The following ITIH5 variants were observed in gnomAD, a reference collection of about 807,000 sequenced individuals.
The protein encoded by ITIH5 is inter-alpha-trypsin inhibitor heavy chain H5.
ITIH5 carries 65 observed loss-of-function variants against 77.5 expected under a neutral mutation model. The observed-to-expected ratio is 0.84, with a 90% CI of 0.69 to 1.03. The LOEUF (loss-of-function observed/expected upper bound fraction) is 1.03, where lower values mean the gene tolerates loss of function less well. Ranked by LOEUF, ITIH5 falls within the 50% of genes least tolerant of loss-of-function variation. The pLI is 0.00. For synonymous variants in ITIH5, 525 were observed against 494.3 expected (o/e 1.06, Z -0.82); for missense variants, 1,208 against 1,213.1 (o/e 1.00, Z 0.06).
chr10:7,637,239 C>A lies in ITIH5; in HGVS notation c.641G>T (p.Gly214Val). ...PLHNSRQRGS[G>V]RGEDDSGPPP... ...CACGCAGGACTCACCTTCCCCGCGCCCACTGCCCCTCTGCCTGCTGTTGTG... is the reference window on the plus strand; with the variant it reads ...CACGCAGGACTCACCTTCCCCGCGCACACTGCCCCTCTGCCTGCTGTTGTG... The change falls in exon 5 of 14, where the codon GGG (glycine) becomes GTG (valine). Residue 214 changes from glycine (G) to valine (V), a missense_variant. Physicochemically the swap from Gly to Val is moderately radical, Grantham distance 109 (BLOSUM62 -3). Coordinates refer to ENST00000397146, the MANE Select transcript of ITIH5 (RefSeq NM_030569.7). The A allele has an allele frequency of 6.2e-7, 1 of 1,608,468 alleles. No individual in the cohort carries two copies.
intron 7 of ITIH5, among the ~76,000 whole-genome samples, chr10:7,590,464 ACAC>A (rs1832770849): frequency 6.6e-6 from 1 of 152,246 alleles, no homozygotes; most frequent in Non-Finnish European, 1.5e-5. Context: ...GGTGTGCCAC[ACAC>A]CACTTCAGAA....
chr10:7,623,719 C>T (rs1307036267), intron 5 of ITIH5, among the ~76,000 whole-genome samples: 5 of 145,536 alleles, frequency 3.4e-5, no homozygotes, highest in African/African-American at 7.7e-5. Context: ...AGGAGAATGG[C>T]GTGAACCCAG....
intron 4 of ITIH5, among the ~76,000 whole-genome samples, chr10:7,637,874 A>G (rs1833827582): frequency 6.6e-6 from 1 of 152,204 alleles, no homozygotes; most frequent in Admixed American, 6.5e-5. Context: ...CATAACTTTA[A>G]AATAGCTAAC....
At chr10:7,597,044 C>CAAAAAAAAAAAAAAAAAAAAAAAAAAA (rs71383924) in intron 7 of ITIH5, among the ~76,000 whole-genome samples, 1 of 36,924 alleles carries the variant, frequency 2.7e-5, no homozygotes, top group Admixed American at 4.7e-4. Context: ...GTCTCCAACT[C>CAAAAAAAAAAAAAAAAAAAAAAAAAAA]AAAAAAAAAA....
chr10:7,565,048 T>TATAC (rs1554746318), intron 13 of ITIH5, among the ~76,000 whole-genome samples: 1 of 137,266 alleles, frequency 7.3e-6, no homozygotes, highest in African/African-American at 2.7e-5. Flanking sequence ...TATATATATA[T>TATAC]ACATATATAC....
At chr10:7,586,153 CAG>C in intron 7 of ITIH5, 84 bp from the exon 8 acceptor site, 1 of 1,229,478 alleles carries the variant, frequency 8.1e-7, no homozygotes, top group Non-Finnish European at 1.1e-6. Flanking sequence ...CCCCGCCCCC[CAG>C]GAAAAATGTC....
chr10:7,610,070 T>G (rs7082906), intron 7 of ITIH5, among the ~76,000 whole-genome samples: 2 of 2,334 alleles, frequency 8.6e-4, no homozygotes, highest in African/African-American at 2.4e-3. Flanking sequence ...TTCTTTTTTC[T>G]TTTTTTTTTT....
At chr10:7,575,647 G>A (rs1832395724) in intron 10 of ITIH5, among the ~76,000 whole-genome samples, 1 of 152,134 alleles carries the variant, frequency 6.6e-6, no homozygotes, top group Non-Finnish European at 1.5e-5. Flanking sequence ...CTTCTGTTCA[G>A]ATTCTCAGAG....
chr10:7,575,145 G>A (rs1832384185), intron 10 of ITIH5, among the ~76,000 whole-genome samples: 3 of 152,168 alleles, frequency 2.0e-5, no homozygotes, highest in Admixed American at 1.3e-4. Flanking sequence ...CTGGTATTCC[G>A]TGCCTCCACG....
intron 10 of ITIH5, among the ~76,000 whole-genome samples, chr10:7,574,205 A>T (rs889379505): frequency 6.6e-6 from 1 of 152,176 alleles, no homozygotes; most frequent in Non-Finnish European, 1.5e-5. Flanking sequence ...AATAAAATCA[A>T]TATCTTACGT....
chr10:7,602,408 C>T (rs563330818), intron 7 of ITIH5, among the ~76,000 whole-genome samples: 105 of 152,318 alleles, frequency 6.9e-4, no homozygotes, highest in African/African-American at 2.4e-3. Flanking sequence ...ATAATCCCTA[C>T]GTGTCAAGGG....
rs549701244 is a variant in ITIH5, at chr10:7,662,920, C to A, written c.90+3883G>T. Reference sequence around the variant, plus strand: ...TTGATTTTTGTTGTTTTTTTCCCCCCCAAATGCAAAAATTTGCTTCTCAGT... The same window carrying A: ...TTGATTTTTGTTGTTTTTTTCCCCCACAAATGCAAAAATTTGCTTCTCAGT... On this transcript the variant is annotated intron_variant, in intron 1 of 13. Transcript: ENST00000397146. 3.3e-5 allele frequency among the ~76,000 whole-genome samples: 5 copies of A among 151,956 alleles called. No individual in the cohort carries two copies. The South Asian group carries it at 1.0e-3, about 32-fold the overall frequency.
chr10:7,637,127 G>T, intron 5 of ITIH5, 101 bp downstream of exon 5: 1 of 1,387,408 alleles, frequency 7.2e-7, no homozygotes, highest in Non-Finnish European at 9.8e-7. Flanking sequence ...CAAAGGCTTT[G>T]CTGAAGGGAA....
intron 8 of ITIH5, among the ~76,000 whole-genome samples, chr10:7,583,459 A>G (rs1832609189): frequency 6.6e-6 from 1 of 152,080 alleles, no homozygotes; most frequent in African/African-American, 2.4e-5. Context: ...CAGCCTCCCC[A>G]GTAGCTGGGA....
intron 10 of ITIH5, among the ~76,000 whole-genome samples, chr10:7,574,126 A>G (rs1372788421): frequency 6.6e-6 from 1 of 152,242 alleles, no homozygotes; most frequent in Non-Finnish European, 1.5e-5. Context: ...AACACTTTGT[A>G]TTTCAAAGTA....
chr10:7,590,846 T>C (rs568700434), intron 7 of ITIH5, among the ~76,000 whole-genome samples: 6 of 152,304 alleles, frequency 3.9e-5, no homozygotes, highest in African/African-American at 1.4e-4. Flanking sequence ...AACCCTCCTC[T>C]CTTCAAAGCC....
chr10:7,595,495 A>G (rs1832877167), intron 7 of ITIH5, among the ~76,000 whole-genome samples: 1 of 152,138 alleles, frequency 6.6e-6, no homozygotes. Context: ...TCTTCTTACT[A>G]GAGTCACAAA....
rs1832000110 is a variant in ITIH5 at position 7,559,482 on chromosome 10, T to C, written c.*3601A>G. On this transcript the variant is annotated 3_prime_UTR_variant, in exon 14 of 14. Coordinates refer to ENST00000397146, the MANE Select transcript of ITIH5 (RefSeq NM_030569.7). The stretch of plus-strand genomic sequence containing the variant: ...TAAAGCTACATTTATAAGTATTTGC[T>C]TAGCTGTGTTATTTGTTATTTATTT... 6.2e-6 allele frequency: 1 copy of C among 161,094 alleles called. No individual in the cohort carries two copies. The highest frequency in any genetic ancestry group is 1.3e-5 in the Non-Finnish European group (1 of 74,078). 10.0% of individuals were successfully genotyped at this position (161,094 alleles called of 1,614,324 possible).
chr10:7,647,651 GA>G (rs1196067832), intron 2 of ITIH5, among the ~76,000 whole-genome samples: 1 of 152,178 alleles, frequency 6.6e-6, no homozygotes, highest in Non-Finnish European at 1.5e-5. Flanking sequence ...GCTGGTGAGT[GA>G]AATTTAGTTA....
Sources: allele counts gnomAD v4.1 joint callset (sites outside exome capture counted in the v4.1 genomes callset), GRCh38; gene constraint gnomAD v4.1.1; transcripts MANE v1.5; gene names NCBI Gene and HGNC (gene_info 2026-07-23, HGNC 2026-07-21).